MCTP1: variants seen among roughly 807,000 people sequenced by gnomAD.
The protein encoded by MCTP1 is multiple C2 and transmembrane domain containing 1, also known as multiple C2 and transmembrane domain-containing protein 1.
A neutral mutation model predicts 120.6 loss-of-function variants in MCTP1; 69 were observed. The observed-to-expected ratio is 0.57, with a 90% CI of 0.47 to 0.70. The LOEUF (loss-of-function observed/expected upper bound fraction) is 0.70. Among genes scored for constraint, MCTP1 ranks in the 30% least tolerant of loss-of-function variants. The pLI, the probability that MCTP1 is intolerant of heterozygous loss-of-function variation, is 0.00. For synonymous variants in MCTP1, 529 were observed against 493.1 expected (o/e 1.07, Z -0.96); for missense variants, 1,203 against 1,248.8 (o/e 0.96, Z 0.55).
At chr5:94,793,128 G>T (rs1378842036) in intron 18 of MCTP1, among the ~76,000 whole-genome samples, 1 of 152,082 alleles carries the variant, frequency 6.6e-6, no homozygotes, top group Non-Finnish European at 1.5e-5. Flanking sequence ...GACAGTGGTG[G>T]GGGGACTTGG....
chr5:95,176,513 A>G (rs1016624307), intron 1 of MCTP1, among the ~76,000 whole-genome samples: 11 of 152,194 alleles, frequency 7.2e-5, no homozygotes, highest in Admixed American at 5.2e-4. Flanking sequence ...CGACAAAGTG[A>G]GACTCTGTTT....
At chr5:95,246,611 A>C (rs1161774070) in intron 1 of MCTP1, among the ~76,000 whole-genome samples, 1 of 152,230 alleles carries the variant, frequency 6.6e-6, no homozygotes, top group Non-Finnish European at 1.5e-5. Flanking sequence ...AGAAGAGCTA[A>C]CTATCCTAAA....
intron 1 of MCTP1, among the ~76,000 whole-genome samples, chr5:95,127,255 AG>A (rs1436510620): frequency 1.3e-5 from 2 of 151,830 alleles, no homozygotes; most frequent in African/African-American, 4.8e-5. Flanking sequence ...AAAAAAAAAA[AG>A]TTTTTACTCA....
intron 2 of MCTP1, chr5:94,976,602 T>C (rs141024623): frequency 1.4e-4 from 21 of 152,276 alleles, no homozygotes; most frequent in Admixed American, 1.1e-3. Flanking sequence ...TAAAGGTGTT[T>C]GGATATACTT....
intron 6 of MCTP1, among the ~76,000 whole-genome samples, chr5:94,927,053 G>T (rs1453263311): frequency 6.6e-6 from 1 of 152,136 alleles, no homozygotes; most frequent in Non-Finnish European, 1.5e-5. Flanking sequence ...CTGTAGCTAT[G>T]AATTACAATA....
At position 95,172,373 on chromosome 5, in the gene MCTP1, C is replaced by CAGTCT. The variant is rs548392915; in HGVS notation, c.720+111478_720+111482dup. On this transcript the variant is annotated intron_variant, in intron 1 of 22. Transcript: ENST00000515393. ...TGGGTCAGGGACCCACTTGAGGAGG[C>CAGTCT]AGTCTGTCCGTTCTCAGATCTCAAA... Among the ~76,000 whole-genome samples the CAGTCT allele has an allele frequency of 8.5e-5, 13 of 152,314 alleles. No homozygotes were observed. The East Asian group carries it at 2.5e-3, about 29-fold the overall frequency.
Position 94,894,790 on chromosome 5 carries a change from C to T in MCTP1, c.1698G>A (p.Lys566=). 1 of 1,612,112 alleles carries T rather than the reference C, an allele frequency of 6.2e-7. No individual in the cohort carries two copies. The highest frequency in any genetic ancestry group is 8.5e-7 in the Non-Finnish European group (1 of 1,179,040). The change falls in exon 11 of 23, where the codon AAG becomes AAA. Residue 566 remains lysine (K), a synonymous_variant. Coordinates refer to ENST00000515393, the MANE Select transcript of MCTP1 (RefSeq NM_024717.7). ...LSALSREQTH[K]LELQLEEGEG... is the part of the protein sequence containing the mutation. ...CACCCTCTTCCAGCTGCAACTCCAGCTTGTGCGTCTGTTCCCTACTGAGGG... is the reference window on the plus strand; with the variant it reads ...CACCCTCTTCCAGCTGCAACTCCAGTTTGTGCGTCTGTTCCCTACTGAGGG...
At chr5:94,801,039 AT>A (rs1006678335) in intron 17 of MCTP1, among the ~76,000 whole-genome samples, 1 of 152,056 alleles carries the variant, frequency 6.6e-6, no homozygotes, top group African/African-American at 2.4e-5. Flanking sequence ...AAAGATAATT[AT>A]TTTTTTAGGA....
At chr5:94,991,803 G>A (rs549066587) in intron 2 of MCTP1, among the ~76,000 whole-genome samples, 15 of 150,546 alleles carry the variant, frequency 1.0e-4, no homozygotes, top group Non-Finnish European at 2.1e-4. Context: ...CTTGAACCCA[G>A]GAGGTGGAAG....
Position 94,998,291 on chromosome 5 carries a change from T to C in MCTP1, c.838+19076A>G, listed in dbSNP as rs145844867. On this transcript the variant is annotated intron_variant, in intron 2 of 22. Coordinates refer to ENST00000515393, the MANE Select transcript of MCTP1 (RefSeq NM_024717.7). ...TTTTACCTTGTCAACATTGTATCCC[T>C]GGCTAACAGAGGAGATGGACTATCT... Among the ~76,000 whole-genome samples, 1,152 of 152,314 alleles carry C rather than the reference T, an allele frequency of 7.6e-3. 9 individuals are homozygous for C. The highest frequency in any genetic ancestry group is 0.013 in the Non-Finnish European group (891 of 68,016).
chr5:95,009,243 C>T (rs767160588), intron 2 of MCTP1, among the ~76,000 whole-genome samples: 10 of 152,016 alleles, frequency 6.6e-5, no homozygotes, highest in South Asian at 2.1e-4. Context: ...CTACTATATC[C>T]GCCATGACCC....
At chr5:95,196,644 G>A (rs1253368434) in intron 1 of MCTP1, among the ~76,000 whole-genome samples, 1 of 152,214 alleles carries the variant, frequency 6.6e-6, no homozygotes, top group Non-Finnish European at 1.5e-5. Flanking sequence ...GCAACTAACA[G>A]CCTGAGTATG....
At chr5:94,954,025 T>C (rs1481070060) in intron 2 of MCTP1, among the ~76,000 whole-genome samples, 1 of 69,486 alleles carries the variant, frequency 1.4e-5, no homozygotes, top group Non-Finnish European at 2.6e-5. Context: ...TATATATGCA[T>C]ATATATACAA....
At chr5:95,109,722 G>A (rs1757325418) in intron 1 of MCTP1, among the ~76,000 whole-genome samples, 1 of 152,156 alleles carries the variant, frequency 6.6e-6, no homozygotes, top group Admixed American at 6.5e-5. Context: ...CCTACCTTAT[G>A]TCTCTGAGTC....
At chr5:94,735,559 G>A (rs577838734) in intron 19 of MCTP1, among the ~76,000 whole-genome samples, 5 of 152,228 alleles carry the variant, frequency 3.3e-5, no homozygotes, top group South Asian at 4.1e-4. Flanking sequence ...TTATAGGCAT[G>A]AGCCACTGTG....
At chr5:94,776,076 T>C (rs1016722722) in intron 19 of MCTP1, among the ~76,000 whole-genome samples, 4 of 151,470 alleles carry the variant, frequency 2.6e-5, no homozygotes, top group Non-Finnish European at 4.4e-5. Context: ...TCTTCCCTGG[T>C]GCTACAGTCA....
intron 3 of MCTP1, among the ~76,000 whole-genome samples, chr5:94,946,781 A>T (rs1819045208): frequency 6.6e-6 from 1 of 152,106 alleles, no homozygotes; most frequent in Non-Finnish European, 1.5e-5. Context: ...TAGTTTTGGG[A>T]TCTCACTCAG....
At chr5:95,051,877 C>T (rs1746016060) in intron 1 of MCTP1, among the ~76,000 whole-genome samples, 1 of 151,956 alleles carries the variant, frequency 6.6e-6, no homozygotes, top group Admixed American at 6.6e-5. Context: ...GACACCAGGA[C>T]CTACTTAAGG....
At chr5:95,100,873 C>A (rs1756671207) in intron 1 of MCTP1, among the ~76,000 whole-genome samples, 1 of 152,164 alleles carries the variant, frequency 6.6e-6, no homozygotes, top group African/African-American at 2.4e-5. Context: ...TCAAACAAAA[C>A]AAACTAACAG....
Sources: allele counts gnomAD v4.1 joint callset (sites outside exome capture counted in the v4.1 genomes callset), GRCh38; gene constraint gnomAD v4.1.1; transcripts MANE v1.5; gene names NCBI Gene and HGNC (gene_info 2026-07-23, HGNC 2026-07-21).